ARRDC5: variants seen among roughly 807,000 people sequenced by gnomAD.
The protein encoded by ARRDC5 is arrestin domain-containing protein 5.
Under a neutral mutation model 13.3 loss-of-function variants are expected in ARRDC5, and 12 were observed. That is an observed-to-expected ratio of 0.90 (90% CI 0.58 to 1.46). ARRDC5 has a LOEUF of 1.46. Ranked by LOEUF, ARRDC5 falls within the 40% of genes most tolerant of loss-of-function variation. ARRDC5 has a pLI of 0.00. For synonymous variants in ARRDC5, 181 were observed against 173.4 expected (o/e 1.04, Z -0.34); for missense variants, 406 against 418.7 (o/e 0.97, Z 0.26).
the ARRDC5 span, chr19:4,909,213 C>T: frequency 4.1e-6 from 2 of 484,576 alleles, no homozygotes; most frequent in Non-Finnish European, 7.3e-6. Context: ...TTCAGGGGGT[C>T]TGTACCCTGG....
chr19:4,901,060 G>A (rs527994296), intron 1 of ARRDC5, among the ~76,000 whole-genome samples: 2 of 151,608 alleles, frequency 1.3e-5, no homozygotes, highest in African/African-American at 2.4e-5. Context: ...AGAGACAGTC[G>A]TTTGAACCCA....
At chr19:4,900,514 A>G (rs1183220623) in intron 1 of ARRDC5, among the ~76,000 whole-genome samples, 1 of 152,200 alleles carries the variant, frequency 6.6e-6, no homozygotes, top group Non-Finnish European at 1.5e-5. Flanking sequence ...AATCTTATGA[A>G]ATAGGACCTC....
At chr19:4,915,693 G>C in the ARRDC5 span, among the ~76,000 whole-genome samples, 3 of 151,998 alleles carry the variant, frequency 2.0e-5, no homozygotes, top group Non-Finnish European at 4.4e-5. Flanking sequence ...CTGGGCGACA[G>C]AGCAAGACTC....
In ARRDC5 at chr19:4,900,054, A is replaced by T. The variant is rs2031865690; in HGVS notation, c.253+2519T>A. Among the ~76,000 whole-genome samples, 4 of 151,028 alleles carry T rather than the reference A, an allele frequency of 2.6e-5. No homozygotes were observed. The South Asian group carries it at 8.3e-4, about 31-fold the overall frequency. On this transcript the variant is annotated intron_variant, in intron 1 of 2. Coordinates refer to ENST00000650722, the MANE Select transcript of ARRDC5 (RefSeq NM_001080523.3). The stretch of plus-strand genomic sequence containing the variant: ...CAGTGGTGCAATCTTGGCTCACTGC[A>T]ACCTCCGTCTCCCTTGGCCTCCCAA...
chr19:4,909,275 C>T, the ARRDC5 span: 1 of 528,468 alleles, frequency 1.9e-6, no homozygotes, highest in Non-Finnish European at 3.3e-6. Flanking sequence ...CCAGGCCCTG[C>T]CACGCAGCCC....
At chr19:4,900,838 G>A (rs1314493089) in intron 1 of ARRDC5, among the ~76,000 whole-genome samples, 1 of 152,076 alleles carries the variant, frequency 6.6e-6, no homozygotes, top group Non-Finnish European at 1.5e-5. Context: ...TGACCAACAT[G>A]GAGAAACTCC....
the ARRDC5 span, among the ~76,000 whole-genome samples, chr19:4,915,965 T>C: frequency 1.3e-5 from 2 of 152,160 alleles, no homozygotes; most frequent in Non-Finnish European, 2.9e-5. Context: ...AATGATCCAA[T>C]AGCCCCAGGA....
At chr19:4,913,970 C>T in the ARRDC5 span, among the ~76,000 whole-genome samples, 78 of 152,076 alleles carry the variant, frequency 5.1e-4, 1 homozygote, top group African/African-American at 1.3e-3. Context: ...CGCCACCATG[C>T]GCAGCTAATT....
At chr19:4,906,386 G>GT (rs769621966), upstream of ARRDC5, among the ~76,000 whole-genome samples, 1 of 152,178 alleles carries the variant, frequency 6.6e-6, no homozygotes, top group East Asian at 1.9e-4. Flanking sequence ...GGGAGGGCTA[G>GT]ATACCTCCTC....
chr19:4,898,203 C>G (rs756533318), intron 1 of ARRDC5, among the ~76,000 whole-genome samples: 7 of 152,278 alleles, frequency 4.6e-5, no homozygotes, highest in Non-Finnish European at 1.0e-4. Flanking sequence ...TATTGATTGA[C>G]CAACTGAGTG....
At chr19:4,904,536 A>C (rs947029077), upstream of ARRDC5, among the ~76,000 whole-genome samples, 1 of 151,528 alleles carries the variant, frequency 6.6e-6, no homozygotes, top group Non-Finnish European at 1.5e-5. Context: ...GCTGATCTTG[A>C]ACTCCTGACC....
chr19:4,904,117 C>T (rs183425532), upstream of ARRDC5, among the ~76,000 whole-genome samples: 351 of 152,098 alleles, frequency 2.3e-3, 2 homozygotes, highest in Non-Finnish European at 3.5e-3. Context: ...GCTGGGATTA[C>T]GGGCATGGGG....
At chr19:4,894,991 C>T (rs2031661613) in intron 2 of ARRDC5, among the ~76,000 whole-genome samples, 3 of 152,260 alleles carry the variant, frequency 2.0e-5, no homozygotes, top group Middle Eastern at 3.4e-3. Context: ...CGTTAGGACC[C>T]TGCAGGTGTG....
At chr19:4,908,945 G>A in the ARRDC5 span, among the ~76,000 whole-genome samples, 1 of 152,060 alleles carries the variant, frequency 6.6e-6, no homozygotes, top group African/African-American at 2.4e-5. Flanking sequence ...TGCCCGCCTG[G>A]ACAGCCTGGA....
At chr19:4,909,932 C>T in the ARRDC5 span, among the ~76,000 whole-genome samples, 1 of 150,886 alleles carries the variant, frequency 6.6e-6, no homozygotes, top group Non-Finnish European at 1.5e-5. Context: ...ATGTCAGGCT[C>T]CGCGCCTGCG....
the ARRDC5 span, among the ~76,000 whole-genome samples, chr19:4,915,566 A>G: frequency 1.3e-5 from 2 of 152,062 alleles, no homozygotes; most frequent in Non-Finnish European, 2.9e-5. Context: ...TACAAAAATT[A>G]GCCAGACGTG....
intron 1 of ARRDC5, 71 bp downstream of exon 1, chr19:4,902,502 T>A: frequency 6.9e-7 from 1 of 1,456,024 alleles, no homozygotes; most frequent in Non-Finnish European, 9.5e-7. Context: ...GTTGATTGAC[T>A]CTCGGATGTG....
intron 1 of ARRDC5, among the ~76,000 whole-genome samples, chr19:4,902,033 C>T (rs1440850207): frequency 1.3e-5 from 2 of 152,100 alleles, no homozygotes; most frequent in Non-Finnish European, 1.5e-5. Context: ...ATTACAGGCA[C>T]GTGCCAGCAC....
In ARRDC5 at chr19:4,896,681, G is replaced by C. The variant is rs774798633; in HGVS notation, c.449C>G (p.Thr150Ser). The C allele has an allele frequency of 6.2e-7, 1 of 1,612,082 alleles. No homozygotes were observed. Among genetic ancestry groups the C allele is most frequent in the African/African-American group, 1.3e-5 (1 of 74,818 alleles). ...VQGTSTFHKE[T>S]PFQNPLFVEA... The stretch of plus-strand genomic sequence containing the variant: ...TTCCCCCATCGGTACCTGGAATGGG[G>C]TTTCTTTGTGGAAGGTGGAAGTTCC... The change falls in exon 2 of 3, where the codon ACC (threonine) becomes AGC (serine). Residue 150 changes from threonine to serine, a missense_variant. Thr to Ser is a moderately conservative substitution (Grantham distance 58). Transcript: ENST00000650722.
Sources: allele counts gnomAD v4.1 joint callset (sites outside exome capture counted in the v4.1 genomes callset), GRCh38; gene constraint gnomAD v4.1.1; transcripts MANE v1.5; gene names NCBI Gene and HGNC (gene_info 2026-07-23, HGNC 2026-07-21).